Variants in DIPK1A observed in about 807,000 individuals in gnomAD.
The protein encoded by DIPK1A is family with sequence similarity 69 member A.
A neutral mutation model predicts 40.8 loss-of-function variants in DIPK1A; 27 were observed. The ratio of observed to expected loss-of-function variants is 0.66; its 90% CI spans 0.49 to 0.91. DIPK1A has a LOEUF of 0.91. DIPK1A is among the 40% of genes least tolerant of loss of function. DIPK1A has a pLI of 0.00. For missense variants in DIPK1A, 412 were observed against 505.7 expected (o/e 0.81, Z 1.78); for synonymous variants, 166 against 171.3 (o/e 0.97, Z 0.24).
intron 1 of DIPK1A, among the ~76,000 whole-genome samples, chr1:92,945,206 A>G (rs910949246): frequency 4.6e-5 from 7 of 152,166 alleles, no homozygotes; most frequent in Non-Finnish European, 1.5e-5. Flanking sequence ...AATATGAAAT[A>G]TAAGTGAGAG....
At chr1:92,844,420 T>G (rs991558657) in intron 4 of DIPK1A, among the ~76,000 whole-genome samples, 1 of 152,212 alleles carries the variant, frequency 6.6e-6, no homozygotes, top group African/African-American at 2.4e-5. Context: ...AATACTTGTC[T>G]GTTTGTTAGG....
At chr1:92,926,290 T>G (rs1455385776) in intron 1 of DIPK1A, among the ~76,000 whole-genome samples, 1 of 152,246 alleles carries the variant, frequency 6.6e-6, no homozygotes, top group African/African-American at 2.4e-5. Flanking sequence ...AGAAATACAC[T>G]ATCTAATTTC....
chr1:92,949,802 G>T (rs1651557623), intron 1 of DIPK1A, among the ~76,000 whole-genome samples: 1 of 152,216 alleles, frequency 6.6e-6, no homozygotes, highest in Admixed American at 6.5e-5. Context: ...TTGACTTGCT[G>T]TGTACACATT....
intron 2 of DIPK1A, among the ~76,000 whole-genome samples, chr1:92,875,102 A>G (rs533166170): frequency 6.6e-6 from 1 of 152,262 alleles, no homozygotes; most frequent in South Asian, 2.1e-4. Context: ...CTAACTGATG[A>G]AGCACCTTGT....
At chr1:92,878,125 TAAGTGACACTATAAGG>T (rs1214252485) in intron 1 of DIPK1A, among the ~76,000 whole-genome samples, 1 of 152,110 alleles carries the variant, frequency 6.6e-6, no homozygotes, top group Non-Finnish European at 1.5e-5. Flanking sequence ...GACACTTAAG[TAAGTGACACTATAAGG>T]ATATAATCAG....
intron 1 of DIPK1A, among the ~76,000 whole-genome samples, chr1:92,894,656 A>T (rs563742004): frequency 1.3e-5 from 2 of 152,258 alleles, no homozygotes; most frequent in African/African-American, 4.8e-5. Flanking sequence ...CTAAGATCAC[A>T]GCAGAGCTGA....
In DIPK1A at chr1:92,860,970, G is replaced by A. The variant is rs1647235325; in HGVS notation, c.190-10015C>T. 3.3e-5 allele frequency among the ~76,000 whole-genome samples: 5 copies of A among 152,190 alleles called. No individual in the cohort carries two copies. In the South Asian group the frequency reaches 1.0e-3, roughly 32 times the overall value. ...AACCTAGTAATAAGGTTGCATGGGG[G>A]TACTTAATCCTCACTTACATCAAAC... On this transcript the variant is annotated intron_variant, in intron 2 of 4. Transcript: ENST00000370310.
intron 1 of DIPK1A, among the ~76,000 whole-genome samples, chr1:92,925,986 T>C (rs1650489597): frequency 6.6e-6 from 1 of 152,238 alleles, no homozygotes; most frequent in Non-Finnish European, 1.5e-5. Flanking sequence ...ATAAGCTTTT[T>C]CTAGGCATTT....
chr1:92,841,466 C>G (rs996142707), downstream of DIPK1A, among the ~76,000 whole-genome samples: 4 of 151,812 alleles, frequency 2.6e-5, no homozygotes, highest in Admixed American at 2.0e-4. Context: ...GAGTGCCACT[C>G]TCTTGGACAA....
chr1:92,909,821 A>G (rs1385340475), intron 1 of DIPK1A, among the ~76,000 whole-genome samples: 1 of 152,100 alleles, frequency 6.6e-6, no homozygotes, highest in East Asian at 1.9e-4. Flanking sequence ...TGTAGGGGGG[A>G]ATAAAAGGAC....
chr1:92,843,651 C>T lies in DIPK1A; in HGVS notation c.1019G>A (p.Gly340Asp), dbSNP rs1281141868. The T allele has an allele frequency of 6.4e-7, 1 of 1,551,676 alleles. No individual in the cohort carries two copies. Among genetic ancestry groups the T allele is most frequent in the Admixed American group, 2.0e-5 (1 of 51,002 alleles). The change falls in exon 5 of 5, where the codon GGC becomes GAC. Residue 340 changes from glycine to aspartate, a missense_variant. By Grantham distance (94) the Gly-to-Asp change is moderately conservative. Transcript: ENST00000370310. ...ATCACAGCTAGTTCTACAATCTGTG[C>T]CATAGACACAGTCCAAATCAGACTC... ...HCESDLDCVY[G>D]TDCRTSCDQS... is the part of the protein sequence containing the mutation.
At chr1:92,834,517 G>C (rs775758912) in intron 4 of DIPK1A, among the ~76,000 whole-genome samples, 1 of 152,192 alleles carries the variant, frequency 6.6e-6, no homozygotes, top group African/African-American at 2.4e-5. Flanking sequence ...CCGTACCCAA[G>C]TTCAGATAAC....
In DIPK1A at chr1:92,843,587, T is replaced by C. The variant is rs1341941826; in HGVS notation, c.1083A>G (p.Pro361=). 1.9e-6 allele frequency: 3 copies of C among 1,552,026 alleles called. No individual in the cohort carries two copies. In the South Asian group the frequency reaches 3.6e-5, roughly 18 times the overall value. ...TMKCTSEVIQ[P]NLAKACQLLK... ...GTAACTGACAAGCTTTTGCCAAGTT[T>C]GGTTGTATCACTTCTGAAGTACACT... is the stretch of plus-strand genomic sequence containing the variant. The change falls in exon 5 of 5, where the codon CCA becomes CCG. Residue 361 remains proline, a synonymous_variant. Coordinates refer to ENST00000370310, the MANE Select transcript of DIPK1A (RefSeq NM_001006605.5).
Position 92,847,227 on chromosome 1 carries a change from T to A in DIPK1A, c.430A>T (p.Thr144Ser), listed in dbSNP as rs1041172717. Residue 144 changes from threonine to serine, a missense_variant, in exon 4 of 5, where the codon ACT (threonine) becomes TCT (serine). Transcript: ENST00000370310. ...IVLFDKPTRGTTVQKFKEMVY... is the reference protein window; with the variant it reads ...IVLFDKPTRGSTVQKFKEMVY... ...ATTTCTTTAAATTTTTGTACAGTAG[T>A]TCCTCTAGTTGGCTTATCAAATAGC... is the stretch of plus-strand genomic sequence containing the variant. 1.2e-6 allele frequency: 2 copies of A among 1,602,012 alleles called. No homozygotes were observed. The highest frequency in any genetic ancestry group is 2.7e-5 in the African/African-American group (2 of 74,544).
chr1:92,913,073 C>T (rs1649898174), intron 1 of DIPK1A, among the ~76,000 whole-genome samples: 1 of 151,316 alleles, frequency 6.6e-6, no homozygotes, highest in East Asian at 1.9e-4. Context: ...CAGAGTAAGA[C>T]CAAGAAAAAG....
chr1:92,844,384 T>C (rs1461809326), intron 4 of DIPK1A, among the ~76,000 whole-genome samples, 189 bp from the exon 5 acceptor site: 2 of 152,224 alleles, frequency 1.3e-5, no homozygotes, highest in Non-Finnish European at 2.9e-5. Flanking sequence ...CCATGCTTTA[T>C]GTAACTGCAG....
intron 1 of DIPK1A, among the ~76,000 whole-genome samples, chr1:92,915,007 G>GAAACCCCATCTCTACTAAAAATACAA (rs1463587742): frequency 1.1e-4 from 16 of 147,550 alleles, no homozygotes; most frequent in African/African-American, 3.5e-4. Context: ...AGAGTCTCTT[G>GAAACCCCATCTCTACTAAAAATACAA]AGCCTGGGAG....
chr1:92,869,023 C>T (rs1647703155), intron 2 of DIPK1A, among the ~76,000 whole-genome samples: 1 of 150,898 alleles, frequency 6.6e-6, no homozygotes, highest in South Asian at 2.1e-4. Flanking sequence ...TCCCTAGCAC[C>T]TAGAAAAATA....
chr1:92,832,824 G>C (rs1686962261), exon 5 of DIPK1A: 1 of 590,818 alleles, frequency 1.7e-6, no homozygotes, highest in Admixed American at 3.0e-5. Context: ...AATTACTGCT[G>C]AATGTGCTCT....
Sources: gnomAD v4.1 joint callset for allele counts (sites outside exome capture counted in the v4.1 genomes callset) on GRCh38, gnomAD v4.1.1 for gene constraint, MANE v1.5 for transcripts, NCBI Gene and HGNC (gene_info 2026-07-23, HGNC 2026-07-21) for gene names.